Variants in BACH1 observed in about 807,000 individuals in gnomAD.
The protein encoded by BACH1 is BTB domain and CNC homolog 1.
BACH1 carries 35 observed loss-of-function variants against 52.9 expected under a neutral mutation model. That is an observed-to-expected ratio of 0.66 (90% CI 0.51 to 0.88). BACH1 has a LOEUF of 0.88. Ranked by LOEUF, BACH1 falls within the 40% of genes least tolerant of loss-of-function variation. BACH1 has a pLI of 0.00. For missense variants in BACH1, 808 were observed against 872.6 expected, an observed-to-expected ratio of 0.93 and a Z score of 0.93; for synonymous variants, 321 against 319.6, an observed-to-expected ratio of 1.00 and a Z score of -0.05.
chr21:29,329,666 G>C lies in BACH1; in HGVS notation c.1749G>C (p.Gln583His). ...GCAAGAGAAAACTTGACTGTATACA[G>C]AATCTTGAATCAGAAATTGAGAAGC... Reference protein sequence around the residue: ...RCRKRKLDCIQNLESEIEKLQ... With the variant: ...RCRKRKLDCIHNLESEIEKLQ... The change falls in exon 4 of 5, where the codon CAG (glutamine) becomes CAC (histidine). Residue 583 changes from glutamine (Q) to histidine (H), a missense_variant. By Grantham distance (24) the Gln-to-His change is conservative. Transcript: ENST00000286800. The C allele has an allele frequency of 6.5e-7, 1 of 1,539,656 alleles. No homozygotes were observed. The highest frequency in any genetic ancestry group is 8.7e-7 in the Non-Finnish European group (1 of 1,146,094).
chr21:29,347,298 A>G (rs2089175135), downstream of BACH1, among the ~76,000 whole-genome samples: 1 of 152,206 alleles, frequency 6.6e-6, no homozygotes, highest in Non-Finnish European at 1.5e-5. Context: ...GGACGACCCC[A>G]AAAGGGGCAG....
intron 4 of BACH1, among the ~76,000 whole-genome samples, chr21:29,339,629 GTTTTTTTTTTTT>G (rs34979217): frequency 1.0e-5 from 1 of 98,538 alleles, no homozygotes; most frequent in Non-Finnish European, 1.9e-5. Context: ...AGATGCAAAG[GTTTTTTTTTTTT>G]TTTTTTTTTG....
intron 4 of BACH1, among the ~76,000 whole-genome samples, chr21:29,334,304 TAGCC>T (rs1376185442): frequency 6.6e-6 from 1 of 151,936 alleles, no homozygotes; most frequent in Non-Finnish European, 1.5e-5. Context: ...TTCACTGTGT[TAGCC>T]AGGATGGTCT....
chr21:29,315,095 T>C (rs1451210996), intron 1 of BACH1, among the ~76,000 whole-genome samples: 1 of 152,008 alleles, frequency 6.6e-6, no homozygotes, highest in Admixed American at 6.5e-5. Flanking sequence ...ATTTTTCTTA[T>C]GGGAATCTCC....
At chr21:29,346,593 T>A (rs149928844), downstream of BACH1, among the ~76,000 whole-genome samples, 89 of 152,208 alleles carry the variant, frequency 5.8e-4, no homozygotes, top group East Asian at 0.016. Context: ...CACTTGGCAG[T>A]TCCCAGAGAC....
intron 2 of BACH1, among the ~76,000 whole-genome samples, chr21:29,356,161 A>T (rs1338214214): frequency 1.3e-5 from 2 of 152,202 alleles, no homozygotes; most frequent in Non-Finnish European, 2.9e-5. Flanking sequence ...TCCTAACCCT[A>T]TTAAGTAGGG....
intron 1 of BACH1, among the ~76,000 whole-genome samples, chr21:29,305,836 G>A (rs1221497216): frequency 6.6e-6 from 1 of 152,164 alleles, no homozygotes; most frequent in Non-Finnish European, 1.5e-5. Context: ...TAGGCATTTG[G>A]TTTACATTTA....
chr21:29,323,160 T>G (rs1047865640), intron 2 of BACH1, among the ~76,000 whole-genome samples: 1 of 152,226 alleles, frequency 6.6e-6, no homozygotes, highest in Non-Finnish European at 1.5e-5. Flanking sequence ...AATTGAAATT[T>G]TTATCGAGTG....
chr21:29,327,923 GGTTCACACATTGGCTGT>G (rs1392155092), intron 3 of BACH1, among the ~76,000 whole-genome samples: 1 of 152,202 alleles, frequency 6.6e-6, no homozygotes, highest in African/African-American at 2.4e-5. Context: ...CCATAAAGTA[GGTTCACACATTGGCTGT>G]GTTCACACAT....
chr21:29,342,288 C>T (rs2089122552), intron 4 of BACH1, 111 bp from the exon 5 acceptor site: 2 of 1,084,672 alleles, frequency 1.8e-6, no homozygotes, highest in Admixed American at 4.9e-5. Context: ...AAAGGATAAA[C>T]TCCATGTGAT....
chr21:29,326,461 G>GAGA lies in BACH1; in HGVS notation c.640_642dup (p.Lys214dup). On this transcript the variant is annotated inframe_insertion, in exon 3 of 5. Coordinates refer to ENST00000286800, the MANE Select transcript of BACH1 (RefSeq NM_001186.4). Reference sequence around the variant, plus strand: ...TCAGACATATGAGTCCATGTGCTTAGAGAAGGATGCTGCTCTGGCCTTGCC... The same window carrying GAGA: ...TCAGACATATGAGTCCATGTGCTTAGAGAAGAAGGATGCTGCTCTGGCCTTGCC... 1 of 1,614,216 alleles carries GAGA rather than the reference G, an allele frequency of 6.2e-7. No homozygotes were observed. Among genetic ancestry groups the GAGA allele is most frequent in the Non-Finnish European group, 8.5e-7 (1 of 1,180,036 alleles).
At chr21:29,301,492 ATAGG>A (rs557231389) in intron 1 of BACH1, among the ~76,000 whole-genome samples, 55 of 152,272 alleles carry the variant, frequency 3.6e-4, no homozygotes, top group African/African-American at 1.3e-3. Context: ...GTTTTATTTT[ATAGG>A]TAGTTCTATT....
At chr21:29,307,306 C>G (rs2088669441) in intron 1 of BACH1, among the ~76,000 whole-genome samples, 1 of 152,172 alleles carries the variant, frequency 6.6e-6, no homozygotes, top group Non-Finnish European at 1.5e-5. Flanking sequence ...TAAGTTTATA[C>G]AGTATTCTTG....
intron 1 of BACH1, among the ~76,000 whole-genome samples, chr21:29,318,710 C>G (rs1034835493): frequency 1.3e-5 from 2 of 152,198 alleles, no homozygotes; most frequent in African/African-American, 4.8e-5. Flanking sequence ...ATGTAGTTGA[C>G]TACTAGCAGC....
At chr21:29,304,962 A>G (rs2088639647) in intron 1 of BACH1, among the ~76,000 whole-genome samples, 1 of 152,190 alleles carries the variant, frequency 6.6e-6, no homozygotes, top group Non-Finnish European at 1.5e-5. Context: ...TAATTTCATT[A>G]ATGTGTATTT....
intron 2 of BACH1, among the ~76,000 whole-genome samples, chr21:29,360,632 C>G (rs8129076): frequency 0.35 from 53,638 of 151,876 alleles, 9,776 homozygotes; most frequent in Non-Finnish European, 0.39. Context: ...ATCACCTGAG[C>G]TCAGGAGTTC....
At chr21:29,321,663 GT>G in intron 2 of BACH1, 149 bp downstream of exon 2, 6 of 581,962 alleles carry the variant, frequency 1.0e-5, no homozygotes, top group Non-Finnish European at 1.7e-5. Flanking sequence ...TTTTTTTTTA[GT>G]TTTTTTAATG....
rs889640671 is a variant in BACH1, at chr21:29,316,297, A to G, written c.-60-4924A>G. ...TCAAGTAGTAACTATATCAAAACTT[A>G]AATTATGTGCATTCAGCAGAGAGCA... On this transcript the variant is annotated intron_variant, in intron 1 of 4. Transcript: ENST00000286800. 3.3e-5 allele frequency among the ~76,000 whole-genome samples: 5 copies of G among 152,320 alleles called. No individual in the cohort carries two copies. In the South Asian group the frequency reaches 1.0e-3, roughly 32 times the overall value.
chr21:29,328,402 CT>C (rs892709751), intron 3 of BACH1, among the ~76,000 whole-genome samples: 69 of 151,510 alleles, frequency 4.6e-4, no homozygotes, highest in African/African-American at 1.6e-3. Flanking sequence ...AATATTTTTT[CT>C]TTTTTTTGTT....
Sources: gnomAD v4.1 joint callset for allele counts (sites outside exome capture counted in the v4.1 genomes callset) on GRCh38, gnomAD v4.1.1 for gene constraint, MANE v1.5 for transcripts, NCBI Gene and HGNC (gene_info 2026-07-23, HGNC 2026-07-21) for gene names.